EFNA5: variants seen among roughly 807,000 people sequenced by gnomAD.
EFNA5 encodes the protein ephrin A5.
Under a neutral mutation model 22.9 loss-of-function variants are expected in EFNA5, and 5 were observed. The observed-to-expected ratio is 0.22, with a 90% CI of 0.11 to 0.46. The LOEUF is 0.46. Ranked by LOEUF, EFNA5 falls within the 20% of genes least tolerant of loss-of-function variation. EFNA5 has a pLI of 0.99. For missense variants in EFNA5, 237 were observed against 293.3 expected (o/e 0.81, Z 1.40); for synonymous variants, 113 against 112.2 (o/e 1.01, Z -0.04).
intron 2 of EFNA5, among the ~76,000 whole-genome samples, chr5:107,402,171 G>A (rs1313156655): frequency 6.6e-6 from 1 of 152,118 alleles, no homozygotes; most frequent in Non-Finnish European, 1.5e-5. Context: ...GAGGAAGACT[G>A]TATTCAATTC....
intron 1 of EFNA5, among the ~76,000 whole-genome samples, chr5:107,487,755 A>G (rs1280673665): frequency 6.6e-6 from 1 of 152,202 alleles, no homozygotes; most frequent in Non-Finnish European, 1.5e-5. Context: ...TCCCCCTTGG[A>G]CTGTAAAGCT....
intron 1 of EFNA5, among the ~76,000 whole-genome samples, chr5:107,518,710 C>T (rs1747533770): frequency 6.6e-6 from 1 of 152,166 alleles, no homozygotes; most frequent in Non-Finnish European, 1.5e-5. Flanking sequence ...CTATGAGCTG[C>T]TGAAGATCAA....
At chr5:107,494,716 T>C (rs31720) in intron 1 of EFNA5, among the ~76,000 whole-genome samples, 59,709 of 151,966 alleles carry the variant, frequency 0.39, 12,074 homozygotes, top group South Asian at 0.49. Context: ...ACTGTAAATA[T>C]ACCAATCAGC....
chr5:107,492,824 C>T (rs1746848127), intron 1 of EFNA5, among the ~76,000 whole-genome samples: 1 of 152,042 alleles, frequency 6.6e-6, no homozygotes, highest in South Asian at 2.1e-4. Flanking sequence ...CATGGTGAAA[C>T]CTCGTCTCTA....
At chr5:107,399,556 C>T (rs1048159064) in intron 2 of EFNA5, among the ~76,000 whole-genome samples, 1 of 152,172 alleles carries the variant, frequency 6.6e-6, no homozygotes, top group Non-Finnish European at 1.5e-5. Context: ...GATTAGAATC[C>T]AAGTGACCAT....
At chr5:107,426,910 G>T in intron 2 of EFNA5, 1 of 284,576 alleles carries the variant, frequency 3.5e-6, no homozygotes. Context: ...TTTTTTTTCA[G>T]GAGTCTTTTT....
intron 2 of EFNA5, among the ~76,000 whole-genome samples, chr5:107,397,985 G>A (rs1469999856): frequency 1.3e-5 from 2 of 152,158 alleles, no homozygotes; most frequent in Non-Finnish European, 2.9e-5. Flanking sequence ...CAGAACAGCA[G>A]CCAGGGTTTC....
intron 1 of EFNA5, among the ~76,000 whole-genome samples, chr5:107,580,554 C>G (rs995278978): frequency 4.0e-5 from 6 of 151,776 alleles, no homozygotes; most frequent in African/African-American, 9.7e-5. Flanking sequence ...GAAACCCTGT[C>G]TCTACTAAAA....
At chr5:107,582,385 A>G (rs2112495544) in intron 1 of EFNA5, among the ~76,000 whole-genome samples, 1 of 152,328 alleles carries the variant, frequency 6.6e-6, no homozygotes, top group Admixed American at 6.5e-5. Flanking sequence ...TGTTCACTTT[A>G]GCAAATGTAA....
At chr5:107,530,617 C>A (rs142144219) in intron 1 of EFNA5, among the ~76,000 whole-genome samples, 1,671 of 152,158 alleles carry the variant, frequency 0.011, 12 homozygotes, top group South Asian at 0.034. Flanking sequence ...ATGAACATAC[C>A]AAATTTAACA....
intron 1 of EFNA5, among the ~76,000 whole-genome samples, chr5:107,641,811 C>G (rs1056570362): frequency 1.3e-5 from 2 of 152,132 alleles, no homozygotes; most frequent in Non-Finnish European, 2.9e-5. Flanking sequence ...TCTAAAGAGG[C>G]ACAAATGGGT....
chr5:107,572,698 T>A (rs1385760171), intron 1 of EFNA5, among the ~76,000 whole-genome samples: 1 of 152,222 alleles, frequency 6.6e-6, no homozygotes, highest in African/African-American at 2.4e-5. Flanking sequence ...CAAAATATAA[T>A]ACTAAAATCA....
intron 1 of EFNA5, among the ~76,000 whole-genome samples, chr5:107,604,336 T>C (rs1435752519): frequency 6.7e-6 from 1 of 148,730 alleles, no homozygotes; most frequent in African/African-American, 2.4e-5. Flanking sequence ...GGCTTGCACC[T>C]GGCTCTGATT....
intron 1 of EFNA5, among the ~76,000 whole-genome samples, chr5:107,435,628 CT>C (rs1749092450): frequency 6.6e-6 from 1 of 152,168 alleles, no homozygotes; most frequent in African/African-American, 2.4e-5. Context: ...ACCAATCCAG[CT>C]CTTCCAGGCT....
In EFNA5 at chr5:107,379,156, T is replaced by A. The variant is rs564868922; in HGVS notation, c.*2099A>T. On this transcript the variant is annotated 3_prime_UTR_variant, in exon 5 of 5. Transcript: ENST00000333274. ...AGGAGTTCCTTATGTCAGAGGGGAATAGGATTGATTGTATCTGTGAGGCTG... is the reference window on the plus strand; with the variant it reads ...AGGAGTTCCTTATGTCAGAGGGGAAAAGGATTGATTGTATCTGTGAGGCTG... The A allele has an allele frequency of 1.1e-4, 17 of 152,264 alleles. No homozygotes were observed. Among genetic ancestry groups the A allele is most frequent in the African/African-American group, 3.1e-4 (13 of 41,546 alleles). 9.4% of individuals were successfully genotyped at this position (152,264 alleles called of 1,614,324 possible).
At chr5:107,533,260 G>A (rs1365520416) in intron 1 of EFNA5, among the ~76,000 whole-genome samples, 2 of 152,060 alleles carry the variant, frequency 1.3e-5, no homozygotes, top group African/African-American at 4.8e-5. Context: ...TGAAGCGGGG[G>A]GATCTTTTTT....
intron 1 of EFNA5, among the ~76,000 whole-genome samples, chr5:107,467,916 T>C (rs1055493670): frequency 6.6e-6 from 1 of 152,128 alleles, no homozygotes; most frequent in African/African-American, 2.4e-5. Flanking sequence ...GACATCAAAA[T>C]CAGGCTTAGG....
rs544501492 is a variant in EFNA5, at chr5:107,379,193, C to T, written c.*2062G>A. The T allele has an allele frequency of 1.5e-4, 23 of 152,238 alleles. No individual in the cohort carries two copies. Among genetic ancestry groups the T allele is most frequent in the African/African-American group, 5.3e-4 (22 of 41,542 alleles). The allele number at this position is 152,238 out of a possible 1,614,324, so 9.4% of individuals were successfully genotyped here. On this transcript the variant is annotated 3_prime_UTR_variant, in exon 5 of 5. Transcript: ENST00000333274. The stretch of plus-strand genomic sequence containing the variant: ...TATCTGTGAGGCTGGCAACCCCACA[C>T]ACATGGTTCCATGTGAGAACAGACT...
At chr5:107,426,915 C>G (rs1748823196) in intron 2 of EFNA5, 1 of 289,122 alleles carries the variant, frequency 3.5e-6, no homozygotes, top group Non-Finnish European at 6.4e-6. Flanking sequence ...TTTCAGGAGT[C>G]TTTTTTTCTT....
Sources: allele counts gnomAD v4.1 joint callset (sites outside exome capture counted in the v4.1 genomes callset), GRCh38; gene constraint gnomAD v4.1.1; transcripts MANE v1.5; gene names NCBI Gene and HGNC (gene_info 2026-07-23, HGNC 2026-07-21).